Variants in ZFAND3 observed in about 807,000 individuals in gnomAD.
ZFAND3 encodes zinc finger AN1-type containing 3, also known as AN1-type zinc finger protein 3.
Under a neutral mutation model 29.6 loss-of-function variants are expected in ZFAND3, and 10 were observed. The ratio of observed to expected loss-of-function variants is 0.34; its 90% CI spans 0.21 to 0.57. The LOEUF (loss-of-function observed/expected upper bound fraction) is 0.57, where lower values mean the gene tolerates loss of function less well. Among genes scored for constraint, ZFAND3 ranks in the 20% least tolerant of loss-of-function variants. ZFAND3 has a pLI of 0.86. For missense variants in ZFAND3, 230 were observed against 304.5 expected, an observed-to-expected ratio of 0.76 and a Z score of 1.82; for synonymous variants, 128 against 112.6, an observed-to-expected ratio of 1.14 and a Z score of -0.87.
intron 1 of ZFAND3, among the ~76,000 whole-genome samples, chr6:37,848,588 A>T (rs761208901): frequency 6.6e-6 from 1 of 152,236 alleles, no homozygotes; most frequent in African/African-American, 2.4e-5. Context: ...TTGGTTAAAA[A>T]TTATTTTTCT....
intron 2 of ZFAND3, among the ~76,000 whole-genome samples, chr6:38,033,533 A>G (rs1332948998): frequency 2.0e-5 from 3 of 152,172 alleles, no homozygotes; most frequent in Non-Finnish European, 4.4e-5. Context: ...GGTAATTAGA[A>G]CAGCATGTGT....
chr6:38,109,287 A>C (rs1225362451), intron 4 of ZFAND3, among the ~76,000 whole-genome samples: 1 of 150,490 alleles, frequency 6.6e-6, no homozygotes, highest in Non-Finnish European at 1.5e-5. Flanking sequence ...CGTTCAAGCG[A>C]TTCTCTTGCC....
chr6:37,862,692 A>G (rs1764514795), intron 1 of ZFAND3, among the ~76,000 whole-genome samples: 1 of 151,744 alleles, frequency 6.6e-6, no homozygotes, highest in Admixed American at 6.6e-5. Context: ...TGACAGAGCG[A>G]GATCCTGTCT....
chr6:37,983,573 G>A (rs765670137), intron 2 of ZFAND3, among the ~76,000 whole-genome samples: 4 of 151,948 alleles, frequency 2.6e-5, no homozygotes, highest in Non-Finnish European at 5.9e-5. Flanking sequence ...TGGTCAGGCT[G>A]GTCTTGAACT....
At chr6:37,856,856 AT>A (rs1370803998) in intron 1 of ZFAND3, among the ~76,000 whole-genome samples, 1 of 152,150 alleles carries the variant, frequency 6.6e-6, no homozygotes, top group African/African-American at 2.4e-5. Flanking sequence ...TTTATTACAA[AT>A]GAAAGATTTG....
At chr6:38,072,985 C>T (rs1764485026) in intron 3 of ZFAND3, among the ~76,000 whole-genome samples, 1 of 152,148 alleles carries the variant, frequency 6.6e-6, no homozygotes, top group Non-Finnish European at 1.5e-5. Flanking sequence ...AAAGAGAGAT[C>T]CTATTATTAA....
In ZFAND3 at chr6:38,054,435, G is replaced by C. The variant is rs142366970; in HGVS notation, c.113-7158G>C. 2.5e-3 allele frequency among the ~76,000 whole-genome samples: 373 copies of C among 150,094 alleles called. 1 individual carries two copies. Among genetic ancestry groups the C allele is most frequent in the Middle Eastern group, 3.6e-3 (1 of 278 alleles). ...AAAAACAAGGAAGCACACAAAAACC[G>C]TGCAGTGTTATTCAGTCTGTCTATT... is the stretch of plus-strand genomic sequence containing the variant. On this transcript the variant is annotated intron_variant, in intron 2 of 5. Transcript: ENST00000287218.
At chr6:38,133,645 G>C (rs531923434) in intron 5 of ZFAND3, among the ~76,000 whole-genome samples, 1 of 152,002 alleles carries the variant, frequency 6.6e-6, no homozygotes, top group South Asian at 2.1e-4. Context: ...AGCTACTCGG[G>C]AGGCTGAGGC....
intron 5 of ZFAND3, among the ~76,000 whole-genome samples, chr6:38,118,299 A>T (rs775323354): frequency 6.6e-6 from 1 of 152,178 alleles, no homozygotes; most frequent in Admixed American, 6.5e-5. Flanking sequence ...CTGCTGGCTA[A>T]CCAGCTTCGC....
Position 37,819,897 on chromosome 6 carries a change from C to T in ZFAND3, c.-49C>T, listed in dbSNP as rs1253649855. 4 of 1,178,890 alleles carry T rather than the reference C, an allele frequency of 3.4e-6. No individual in the cohort carries two copies. Among genetic ancestry groups the T allele is most frequent in the Non-Finnish European group, 4.2e-6 (4 of 954,950 alleles). 73.0% of individuals were successfully genotyped at this position (1,178,890 alleles called of 1,614,324 possible). A position where few individuals can be genotyped will look rare whatever the true frequency, so the allele number is the denominator to read the frequency against. Reference sequence around the variant, plus strand: ...GCCTCCTCAGAGCGGGGCCCGGGCCCAGCCGCCGCCACCGCTGCCGCCGCC... The same window carrying T: ...GCCTCCTCAGAGCGGGGCCCGGGCCTAGCCGCCGCCACCGCTGCCGCCGCC... On this transcript the variant is annotated 5_prime_UTR_variant, in exon 1 of 6. Transcript: ENST00000287218.
intron 5 of ZFAND3, among the ~76,000 whole-genome samples, chr6:38,138,548 C>T (rs905289163): frequency 1.3e-5 from 2 of 152,224 alleles, no homozygotes; most frequent in African/African-American, 4.8e-5. Flanking sequence ...TCACCGCATT[C>T]CAGCCCTGCT....
chr6:37,859,950 C>T (rs1764451827), intron 1 of ZFAND3, among the ~76,000 whole-genome samples: 1 of 149,028 alleles, frequency 6.7e-6, no homozygotes, highest in African/African-American at 2.5e-5. Flanking sequence ...CGGCTCACTG[C>T]AACCACCACC....
chr6:38,147,862 C>T lies in ZFAND3; in HGVS notation c.530-4373C>T, dbSNP rs1245325593. The stretch of plus-strand genomic sequence containing the variant: ...ACCTTATGTACTCTGGATATAGTCC[C>T]CTGTCAGATGAGTGATTTGCAGATA... On this transcript the variant is annotated intron_variant, in intron 5 of 5. Transcript: ENST00000287218. Among the ~76,000 whole-genome samples, 3 of 151,972 alleles carry T rather than the reference C, an allele frequency of 2.0e-5. No individual in the cohort carries two copies. In the South Asian group the frequency reaches 6.2e-4, roughly 31 times the overall value.
At chr6:37,834,252 A>G (rs1037307306) in intron 1 of ZFAND3, among the ~76,000 whole-genome samples, 4 of 152,178 alleles carry the variant, frequency 2.6e-5, no homozygotes, top group African/African-American at 9.7e-5. Flanking sequence ...TTGGAATCAT[A>G]CAGTATGTAG....
At chr6:37,952,369 T>G (rs975669819) in intron 2 of ZFAND3, among the ~76,000 whole-genome samples, 9 of 152,190 alleles carry the variant, frequency 5.9e-5, no homozygotes, top group African/African-American at 1.7e-4. Context: ...TATTACAGAT[T>G]CAATTTCGGA....
chr6:37,996,153 T>C (rs60440537), intron 2 of ZFAND3, among the ~76,000 whole-genome samples: 1 of 152,060 alleles, frequency 6.6e-6, no homozygotes, highest in African/African-American at 2.4e-5. Flanking sequence ...GAGACTCTTA[T>C]CTTTCTTATC....
At chr6:37,932,606 A>G (rs188258801) in intron 2 of ZFAND3, among the ~76,000 whole-genome samples, 117 of 152,368 alleles carry the variant, frequency 7.7e-4, no homozygotes, top group African/African-American at 2.7e-3. Context: ...AAGGCCAGAC[A>G]CCTTTGAATA....
chr6:37,907,125 ACT>A (rs757963792), intron 1 of ZFAND3, among the ~76,000 whole-genome samples: 1 of 151,554 alleles, frequency 6.6e-6, no homozygotes, highest in South Asian at 2.1e-4. Context: ...GCTTGCACTG[ACT>A]CTCTGTCTGC....
At chr6:38,112,028 G>A (rs534497568) in intron 4 of ZFAND3, among the ~76,000 whole-genome samples, 30 of 152,166 alleles carry the variant, frequency 2.0e-4, no homozygotes, top group Non-Finnish European at 2.9e-4. Flanking sequence ...AAAATTAAGC[G>A]CAGTTACTTT....
Sources: allele counts gnomAD v4.1 joint callset (sites outside exome capture counted in the v4.1 genomes callset), GRCh38; gene constraint gnomAD v4.1.1; transcripts MANE v1.5; gene names NCBI Gene and HGNC (gene_info 2026-07-23, HGNC 2026-07-21).